ENAH: variants seen among roughly 807,000 people sequenced by gnomAD.
The protein encoded by ENAH is ENAH actin regulator.
A neutral mutation model predicts 78.7 loss-of-function variants in ENAH; 23 were observed. That is an observed-to-expected ratio of 0.29 (90% confidence interval 0.21 to 0.41). The LOEUF is 0.41. Among genes scored for constraint, ENAH ranks in the 10% least tolerant of loss-of-function variants. The pLI, the probability that ENAH is intolerant of heterozygous loss-of-function variation, is 1.00. For synonymous variants in ENAH, 226 were observed against 241.0 expected, an observed-to-expected ratio of 0.94 and a Z score of 0.58; for missense variants, 544 against 691.0, an observed-to-expected ratio of 0.79 and a Z score of 2.39.
At chr1:225,613,429 C>T (rs2097003107) in intron 1 of ENAH, among the ~76,000 whole-genome samples, 1 of 152,168 alleles carries the variant, frequency 6.6e-6, no homozygotes, top group South Asian at 2.1e-4. Context: ...AGAACAGTGC[C>T]TGGTGGTAAT....
intron 1 of ENAH, among the ~76,000 whole-genome samples, chr1:225,579,860 G>C (rs2096806562): frequency 6.6e-6 from 1 of 151,916 alleles, no homozygotes; most frequent in South Asian, 2.1e-4. Flanking sequence ...AGAAAATTAA[G>C]ATAAAACTTC....
chr1:225,526,911 A>G (rs2096509855), intron 4 of ENAH, among the ~76,000 whole-genome samples: 7 of 152,174 alleles, frequency 4.6e-5, no homozygotes, highest in Admixed American at 4.6e-4. Context: ...CTGTCTGTTC[A>G]TATTTATAAG....
chr1:225,551,548 G>A (rs2096640622), intron 3 of ENAH, among the ~76,000 whole-genome samples: 1 of 152,108 alleles, frequency 6.6e-6, no homozygotes, highest in African/African-American at 2.4e-5. Flanking sequence ...GCATCTCAGT[G>A]GTTGCGGATC....
chr1:225,501,700 C>T (rs775719733), intron 11 of ENAH, among the ~76,000 whole-genome samples: 4 of 152,068 alleles, frequency 2.6e-5, no homozygotes, highest in Non-Finnish European at 4.4e-5. Context: ...TTTATGGAGA[C>T]GTCATTTGAA....
intron 13 of ENAH, among the ~76,000 whole-genome samples, chr1:225,498,087 A>T (rs965855211): frequency 6.6e-6 from 1 of 152,206 alleles, no homozygotes; most frequent in Non-Finnish European, 1.5e-5. Context: ...AACCTAGAGA[A>T]AGATCTGTTC....
At chr1:225,622,170 A>G (rs1657105580) in intron 1 of ENAH, among the ~76,000 whole-genome samples, 1 of 152,188 alleles carries the variant, frequency 6.6e-6, no homozygotes, top group Admixed American at 6.5e-5. Context: ...ATACATATTG[A>G]GTGTTAGGCT....
At chr1:225,517,697 G>C (rs1421089018) in intron 5 of ENAH, 1 of 1,551,220 alleles carries the variant, frequency 6.4e-7, no homozygotes, top group South Asian at 1.2e-5. Flanking sequence ...GTGTTCACAG[G>C]AGAAGAAGGT....
intron 3 of ENAH, among the ~76,000 whole-genome samples, chr1:225,534,582 C>T (rs115647707): frequency 0.015 from 2,249 of 152,010 alleles, 53 homozygotes; most frequent in African/African-American, 0.051. Context: ...ATACACAGAG[C>T]TGAACACTTT....
At chr1:225,543,731 A>G (rs760841135) in intron 3 of ENAH, among the ~76,000 whole-genome samples, 1 of 152,248 alleles carries the variant, frequency 6.6e-6, no homozygotes, top group Non-Finnish European at 1.5e-5. Flanking sequence ...CCAGTTAACT[A>G]CAGCATTTCT....
intron 4 of ENAH, among the ~76,000 whole-genome samples, chr1:225,527,780 T>G (rs2096516880): frequency 6.6e-6 from 1 of 152,142 alleles, no homozygotes; most frequent in African/African-American, 2.4e-5. Flanking sequence ...CTGGAATGCT[T>G]TTCCCTTCTA....
intron 1 of ENAH, among the ~76,000 whole-genome samples, chr1:225,590,081 CAA>C (rs1491485223): frequency 8.8e-6 from 1 of 114,124 alleles, no homozygotes; most frequent in Non-Finnish European, 1.8e-5. Context: ...CCTCATCACT[CAA>C]CACACACACA....
chr1:225,579,779 T>C (rs2096806159), intron 1 of ENAH, among the ~76,000 whole-genome samples: 1 of 152,182 alleles, frequency 6.6e-6, no homozygotes, highest in Non-Finnish European at 1.5e-5. Flanking sequence ...TCAAAAAGAA[T>C]AGGTAAAAAG....
chr1:225,647,095 A>G (rs1056215415), intron 1 of ENAH, among the ~76,000 whole-genome samples: 1 of 152,052 alleles, frequency 6.6e-6, no homozygotes, highest in Non-Finnish European at 1.5e-5. Context: ...GCGTGGTGGC[A>G]CGCGCCTGTA....
chr1:225,636,379 C>T (rs1660063180), intron 1 of ENAH, among the ~76,000 whole-genome samples: 1 of 152,188 alleles, frequency 6.6e-6, no homozygotes, highest in South Asian at 2.1e-4. Flanking sequence ...AAAAATAAAA[C>T]CAAATATATT....
chr1:225,651,293 GA>G (rs201921824), intron 1 of ENAH, among the ~76,000 whole-genome samples: 1 of 145,880 alleles, frequency 6.9e-6, no homozygotes, highest in African/African-American at 2.5e-5. Context: ...CTTGGAATCA[GA>G]AAAAAAAATT....
chr1:225,552,301 TA>T (rs1158395258), intron 3 of ENAH, among the ~76,000 whole-genome samples: 1 of 151,648 alleles, frequency 6.6e-6, no homozygotes, highest in Non-Finnish European at 1.5e-5. Flanking sequence ...CACGCCCGGC[TA>T]ATTTTTTTGT....
At chr1:225,525,321 T>C (rs1052173881) in intron 4 of ENAH, among the ~76,000 whole-genome samples, 4 of 152,230 alleles carry the variant, frequency 2.6e-5, no homozygotes, top group Admixed American at 6.5e-5. Context: ...CATAATTCAC[T>C]GCTGATCACA....
chr1:225,522,338 A>G (rs371347511), intron 4 of ENAH, among the ~76,000 whole-genome samples: 1 of 152,206 alleles, frequency 6.6e-6, no homozygotes, highest in Non-Finnish European at 1.5e-5. Context: ...CTGCTCTCAT[A>G]AAACACACAC....
chr1:225,636,246 T>C (rs1274259714), intron 1 of ENAH, among the ~76,000 whole-genome samples: 2 of 152,228 alleles, frequency 1.3e-5, no homozygotes, highest in Non-Finnish European at 2.9e-5. Flanking sequence ...CTTACTGTAT[T>C]AGTTTCTAAT....
Sources: allele counts gnomAD v4.1 joint callset (sites outside exome capture counted in the v4.1 genomes callset), GRCh38; gene constraint gnomAD v4.1.1; transcripts MANE v1.5; gene names NCBI Gene and HGNC (gene_info 2026-07-23, HGNC 2026-07-21).